CACNA2D4: variants seen among roughly 807,000 people sequenced by gnomAD.
CACNA2D4 encodes the protein calcium voltage-gated channel auxiliary subunit alpha2delta 4.
In CACNA2D4, 157 loss-of-function variants were observed where a neutral mutation model predicts 163.8. That is an observed-to-expected ratio of 0.96 (90% CI 0.84 to 1.09). The LOEUF (loss-of-function observed/expected upper bound fraction) is 1.09, where lower values mean the gene tolerates loss of function less well. Ranked by LOEUF, CACNA2D4 falls within the 50% of genes least tolerant of loss-of-function variation. The pLI, the probability that CACNA2D4 is intolerant of heterozygous loss-of-function variation, is 0.00. For missense variants in CACNA2D4, 1,410 were observed against 1,479.9 expected (o/e 0.95, Z 0.78); for synonymous variants, 598 against 586.9 (o/e 1.02, Z -0.27).
intron 26 of CACNA2D4, among the ~76,000 whole-genome samples, chr12:1,837,527 C>A (rs926955216): frequency 6.6e-6 from 1 of 152,078 alleles, no homozygotes; most frequent in Non-Finnish European, 1.5e-5. Context: ...ACGCCCGGCC[C>A]GAGAACCCCC....
intron 4 of CACNA2D4, 122 bp downstream of exon 4, chr12:1,909,784 G>A: frequency 1.3e-6 from 1 of 757,984 alleles, no homozygotes; most frequent in Admixed American, 2.1e-5. Context: ...TGAGGGGTGA[G>A]CAGTAAATGT....
intron 23 of CACNA2D4, 117 bp from the exon 24 acceptor site, chr12:1,846,806 T>A (rs1865156298): frequency 2.4e-6 from 2 of 824,226 alleles, no homozygotes; most frequent in Non-Finnish European, 4.0e-6. Flanking sequence ...CAGGGAAGAC[T>A]TTCCAGGAAG....
Position 1,878,304 on chromosome 12 carries a change from T to A in CACNA2D4, c.1719+11A>T, listed in dbSNP as rs1262784091. The A allele has an allele frequency of 6.2e-7, 1 of 1,605,772 alleles. No homozygotes were observed. The highest frequency in any genetic ancestry group is 8.5e-7 in the Non-Finnish European group (1 of 1,176,362). On this transcript the variant is annotated intron_variant, in intron 16 of 37. Transcript: ENST00000382722. The surrounding 1 kb of genome is among the most constrained non-coding windows in gnomAD (Gnocchi z 4.6). ...AGTAAGGATCCCAAGGCAAAGAAGA[T>A]CTGTACCTACCAGGGGCCGGAGGTC... is the stretch of plus-strand genomic sequence containing the variant.
At position 1,840,718 on chromosome 12, in the gene CACNA2D4, C is replaced by T. The variant is rs1018739529; in HGVS notation, c.2551+21G>A. 17 of 1,607,552 alleles carry T rather than the reference C, an allele frequency of 1.1e-5. No individual in the cohort carries two copies. The Admixed American group carries it at 2.5e-4, about 24-fold the overall frequency. ...ACTGTCCCCAGCTTCCTGGCCTCAA[C>T]ACCACAAGGGCCGTTCCTACCTGCA... is the stretch of plus-strand genomic sequence containing the variant. On this transcript the variant is annotated intron_variant, in intron 26 of 37. Transcript: ENST00000382722.
intron 26 of CACNA2D4, among the ~76,000 whole-genome samples, chr12:1,814,755 G>A (rs1020778811): frequency 7.9e-5 from 12 of 152,186 alleles, no homozygotes; most frequent in South Asian, 2.1e-4. Flanking sequence ...ATTAATGCAA[G>A]CACCCCCGAA....
Position 1,869,420 on chromosome 12 carries a change from G to C in CACNA2D4, c.1878+5184C>G, listed in dbSNP as rs921975636. ...GGCTCTCCTCCTTCAGTTTCCCTGA[G>C]ACCTAACCTGGTGAGGATGCAGCTC... On this transcript the variant is annotated intron_variant, in intron 18 of 37. Coordinates refer to ENST00000382722, the MANE Select transcript of CACNA2D4 (RefSeq NM_172364.5). This position sits in a 1 kb window ranked among gnomAD's most constrained non-coding sequence, Gnocchi z 4.7. Among the ~76,000 whole-genome samples, 19 of 152,216 alleles carry C rather than the reference G, an allele frequency of 1.2e-4. No homozygotes were observed. The highest frequency in any genetic ancestry group is 4.1e-4 in the African/African-American group (17 of 41,452).
At chr12:1,853,768 C>T (rs79839151) in intron 23 of CACNA2D4, among the ~76,000 whole-genome samples, 183 bp downstream of exon 23, 10,670 of 152,206 alleles carry the variant, frequency 0.07, 513 homozygotes, top group African/African-American at 0.13. Context: ...AAGGAGCTGT[C>T]GGAATGGGAC....
intron 1 of CACNA2D4, 124 bp downstream of exon 1, chr12:1,918,123 A>G: frequency 1.4e-6 from 1 of 720,146 alleles, no homozygotes; most frequent in Non-Finnish European, 2.4e-6. Flanking sequence ...AGTCGCAGCC[A>G]CTGGGGAAAA....
rs565788294 is a variant in CACNA2D4 at position 1,814,660 on chromosome 12, C to T, written c.2552-2937G>A. 1.4e-4 allele frequency among the ~76,000 whole-genome samples: 22 copies of T among 152,352 alleles called. No individual in the cohort carries two copies. The East Asian group carries it at 1.7e-3, about 12-fold the overall frequency. ...CCTCCCATCCAACGTCTGCACACCT[C>T]AGTTCCAAAACTTTATAAATCTGTC... On this transcript the variant is annotated intron_variant, in intron 26 of 37. Transcript: ENST00000382722.
At chr12:1,885,174 A>T in intron 9 of CACNA2D4, 98 bp from the exon 10 acceptor site, 1 of 941,118 alleles carries the variant, frequency 1.1e-6, no homozygotes, top group Non-Finnish European at 1.8e-6. Context: ...AGGGCCATCC[A>T]GAAGGACATG....
At chr12:1,801,224 G>T in intron 30 of CACNA2D4, 106 bp from the exon 31 acceptor site, 1 of 896,542 alleles carries the variant, frequency 1.1e-6, no homozygotes, top group Non-Finnish European at 1.8e-6. Flanking sequence ...AATTCCCAAG[G>T]GCGCCTGAGC....
intron 6 of CACNA2D4, among the ~76,000 whole-genome samples, chr12:1,896,003 A>G (rs1392754224): frequency 6.6e-6 from 1 of 152,228 alleles, no homozygotes; most frequent in Non-Finnish European, 1.5e-5. Context: ...AATCTGTTCA[A>G]TAAATGGTGC....
chr12:1,880,784 A>C (rs1865977110), intron 13 of CACNA2D4, among the ~76,000 whole-genome samples: 1 of 152,160 alleles, frequency 6.6e-6, no homozygotes, highest in Non-Finnish European at 1.5e-5. Flanking sequence ...AACCACGATG[A>C]CATCTAATTG....
chr12:1,845,636 T>C (rs536962180), intron 24 of CACNA2D4, among the ~76,000 whole-genome samples: 22 of 152,218 alleles, frequency 1.4e-4, no homozygotes, highest in African/African-American at 5.3e-4. Flanking sequence ...CCTCACCTGT[T>C]GGAGTCTCCT....
chr12:1,838,216 G>GC (rs1333419415), intron 26 of CACNA2D4, among the ~76,000 whole-genome samples: 1 of 152,200 alleles, frequency 6.6e-6, no homozygotes, highest in Admixed American at 6.5e-5. Context: ...CTGGTCCGCT[G>GC]CCCTCTGTGT....
At chr12:1,872,981 A>C (rs1865815816) in intron 18 of CACNA2D4, among the ~76,000 whole-genome samples, 1 of 152,120 alleles carries the variant, frequency 6.6e-6, no homozygotes, top group Non-Finnish European at 1.5e-5. Flanking sequence ...CGAATGGGAG[A>C]TCTCGGAGCA....
chr12:1,793,351 C>A lies in CACNA2D4; in HGVS notation c.*304G>T. On this transcript the variant is annotated 3_prime_UTR_variant, in exon 38 of 38. Coordinates refer to ENST00000382722, the MANE Select transcript of CACNA2D4 (RefSeq NM_172364.5). Reference sequence around the variant, plus strand: ...AAGAACTAAATTATTTTGTCTTGGTCCAAGCTGAGCTCACGCTGGCTTCCC... The same window carrying A: ...AAGAACTAAATTATTTTGTCTTGGTACAAGCTGAGCTCACGCTGGCTTCCC... The A allele has an allele frequency of 2.2e-6, 1 of 464,216 alleles. No homozygotes were observed. The highest frequency in any genetic ancestry group is 3.9e-6 in the Non-Finnish European group (1 of 254,216). 28.8% of individuals were successfully genotyped at this position (464,216 alleles called of 1,614,324 possible).
At chr12:1,816,973 G>A (rs944977719) in intron 26 of CACNA2D4, among the ~76,000 whole-genome samples, 11 of 152,234 alleles carry the variant, frequency 7.2e-5, no homozygotes, top group African/African-American at 2.7e-4. Context: ...TTTGCACACT[G>A]TTGAGTGCTG....
At chr12:1,882,747 A>G (rs1436958008) in intron 13 of CACNA2D4, 120 bp downstream of exon 13, 7 of 1,018,388 alleles carry the variant, frequency 6.9e-6, no homozygotes, top group African/African-American at 1.6e-5. Flanking sequence ...GCCCCTTCTT[A>G]ATGTTCCCTA....
Sources: allele counts gnomAD v4.1 joint callset (sites outside exome capture counted in the v4.1 genomes callset), GRCh38; gene constraint gnomAD v4.1.1; non-coding constraint Gnocchi (gnomAD v3.1); transcripts MANE v1.5; gene names NCBI Gene and HGNC (gene_info 2026-07-23, HGNC 2026-07-21).